The following PTPN13 variants were observed in gnomAD, a reference collection of about 807,000 sequenced individuals.
The protein encoded by PTPN13 is tyrosine-protein phosphatase non-receptor type 13.
PTPN13 carries 191 observed loss-of-function variants against 284.0 expected under a neutral mutation model. The ratio of observed to expected loss-of-function variants is 0.67; its 90% CI spans 0.60 to 0.76. The LOEUF (loss-of-function observed/expected upper bound fraction) is 0.76. PTPN13 is among the 30% of genes least tolerant of loss of function. The pLI, the probability that PTPN13 is intolerant of heterozygous loss-of-function variation, is 0.00. For missense variants in PTPN13, 2,797 were observed against 2,939.9 expected, an observed-to-expected ratio of 0.95 and a Z score of 1.12; for synonymous variants, 986 against 1,022.3, an observed-to-expected ratio of 0.96 and a Z score of 0.68.
intron 2 of PTPN13, among the ~76,000 whole-genome samples, chr4:86,648,213 T>A (rs889689890): frequency 2.0e-5 from 3 of 152,178 alleles, no homozygotes; most frequent in African/African-American, 7.2e-5. Context: ...CATTTATCAT[T>A]TCTTTGTGTT....
intron 15 of PTPN13, among the ~76,000 whole-genome samples, chr4:86,739,935 A>T (rs1001159724): frequency 6.6e-6 from 1 of 152,222 alleles, no homozygotes; most frequent in African/African-American, 2.4e-5. Flanking sequence ...TTAAAGCTGC[A>T]AAATGATCTC....
At chr4:86,750,396 A>G (rs1399536597) in intron 17 of PTPN13, 74 bp from the exon 18 acceptor site, 1 of 1,330,284 alleles carries the variant, frequency 7.5e-7, no homozygotes, top group East Asian at 2.3e-5. Flanking sequence ...CATGCTGCTT[A>G]TTTATTAACA....
chr4:86,677,468 C>A (rs1728417600), intron 3 of PTPN13, among the ~76,000 whole-genome samples: 1 of 151,518 alleles, frequency 6.6e-6, no homozygotes, highest in Non-Finnish European at 1.5e-5. Flanking sequence ...GCGCATGCCA[C>A]CACACCCAGC....
chr4:86,617,718 A>G (rs1720725844), intron 1 of PTPN13, among the ~76,000 whole-genome samples: 2 of 152,182 alleles, frequency 1.3e-5, no homozygotes, highest in Admixed American at 6.5e-5. Flanking sequence ...TTTTGGCTGC[A>G]TACATGTCTT....
intron 15 of PTPN13, among the ~76,000 whole-genome samples, chr4:86,741,172 C>T (rs2149167579): frequency 6.6e-6 from 1 of 152,302 alleles, no homozygotes; most frequent in Admixed American, 6.5e-5. Flanking sequence ...GTCACTTCCA[C>T]ATCTTCAGGT....
chr4:86,795,672 A>G (rs1366828049), intron 40 of PTPN13, among the ~76,000 whole-genome samples: 1 of 152,222 alleles, frequency 6.6e-6, no homozygotes, highest in Non-Finnish European at 1.5e-5. Flanking sequence ...GAATAAAGAA[A>G]ATGTGGCACA....
chr4:86,740,113 C>T (rs1487955022), intron 15 of PTPN13, among the ~76,000 whole-genome samples: 3 of 152,130 alleles, frequency 2.0e-5, no homozygotes, highest in South Asian at 2.1e-4. Context: ...TGCAAGCTGT[C>T]GTTGGATCTA....
chr4:86,723,823 G>A (rs1412644536), intron 10 of PTPN13, among the ~76,000 whole-genome samples: 6 of 152,112 alleles, frequency 3.9e-5, no homozygotes, highest in African/African-American at 1.4e-4. Context: ...ATAAATAATA[G>A]TAAACCTGGT....
chr4:86,762,260 C>T (rs918617797), intron 23 of PTPN13, among the ~76,000 whole-genome samples: 3 of 152,200 alleles, frequency 2.0e-5, no homozygotes, highest in Non-Finnish European at 2.9e-5. Flanking sequence ...GGATTACAGG[C>T]ATGAGCCACT....
At chr4:86,727,767 C>G (rs1305835398) in intron 10 of PTPN13, among the ~76,000 whole-genome samples, 2 of 149,278 alleles carry the variant, frequency 1.3e-5, no homozygotes, top group East Asian at 3.9e-4. Flanking sequence ...AAAACCAGCT[C>G]CTAAATTCAT....
chr4:86,651,050 G>A (rs902467640), intron 2 of PTPN13, among the ~76,000 whole-genome samples: 1 of 152,126 alleles, frequency 6.6e-6, no homozygotes. Context: ...CTAGCTGTGA[G>A]TTTGTCATAT....
intron 5 of PTPN13, among the ~76,000 whole-genome samples, chr4:86,692,638 G>A (rs1319181836): frequency 2.6e-5 from 4 of 152,098 alleles, no homozygotes; most frequent in Non-Finnish European, 5.9e-5. Flanking sequence ...CCCTTATAGT[G>A]TGGAGTTTGA....
intron 1 of PTPN13, among the ~76,000 whole-genome samples, chr4:86,622,079 T>C (rs1489339170): frequency 6.6e-6 from 1 of 152,200 alleles, no homozygotes; most frequent in Non-Finnish European, 1.5e-5. Flanking sequence ...CTCCAAAAGG[T>C]CATTTGAGTT....
chr4:86,768,148 C>T (rs771697643), intron 28 of PTPN13, among the ~76,000 whole-genome samples, 172 bp downstream of exon 28: 7 of 152,118 alleles, frequency 4.6e-5, no homozygotes, highest in Non-Finnish European at 8.8e-5. Context: ...AACATATTTG[C>T]AGCTCATAGG....
At chr4:86,642,099 T>C (rs898297750) in intron 2 of PTPN13, among the ~76,000 whole-genome samples, 3 of 152,142 alleles carry the variant, frequency 2.0e-5, no homozygotes, top group Non-Finnish European at 4.4e-5. Flanking sequence ...ATAAAGTAAG[T>C]TTTTTTCTTT....
intron 3 of PTPN13, among the ~76,000 whole-genome samples, chr4:86,680,918 A>AATT (rs758863655): frequency 3.9e-5 from 6 of 152,130 alleles, no homozygotes; most frequent in Non-Finnish European, 7.3e-5. Context: ...GAGGACTTAT[A>AATT]ATATGTCCAA....
intron 6 of PTPN13, among the ~76,000 whole-genome samples, chr4:86,695,575 A>G (rs1427551597): frequency 6.6e-6 from 1 of 152,020 alleles, no homozygotes; most frequent in Non-Finnish European, 1.5e-5. Flanking sequence ...CATAGTGAAC[A>G]TTTTAATAAG....
chr4:86,784,499 C>A lies in PTPN13; in HGVS notation c.6059C>A (p.Pro2020His). The part of the protein sequence containing the change: ...AGEEINEISY[P>H]KGKCSTYQIK... Reference sequence around the variant, plus strand: ...GAAGAAATAAATGAAATATCGTACCCCAAAGGAAAATGTTCTACTTATCAG... The same window carrying A: ...GAAGAAATAAATGAAATATCGTACCACAAAGGAAAATGTTCTACTTATCAG... Residue 2020 changes from proline to histidine, a missense_variant, in exon 38 of 48, where the codon CCC (proline) becomes CAC (histidine). By Grantham distance (77) the Pro-to-His change is moderately conservative. Transcript: ENST00000411767. 1 of 1,606,258 alleles carries A rather than the reference C, an allele frequency of 6.2e-7. No individual in the cohort carries two copies. Among genetic ancestry groups the A allele is most frequent in the Non-Finnish European group, 8.5e-7 (1 of 1,177,430 alleles).
chr4:86,688,997 A>G lies in PTPN13; in HGVS notation c.361-8A>G, dbSNP rs1282994097. The G allele has an allele frequency of 2.6e-6, 4 of 1,538,342 alleles. No individual in the cohort carries two copies. Among genetic ancestry groups the G allele is most frequent in the East Asian group, 2.2e-5 (1 of 44,478 alleles). ...TTACTCACTGGCTTTTCCTTTATTTATATTCAGCCTATTAAGCTTGGAGAT... is the reference window on the plus strand; with the variant it reads ...TTACTCACTGGCTTTTCCTTTATTTGTATTCAGCCTATTAAGCTTGGAGAT... On this transcript the variant is annotated splice_polypyrimidine_tract_variant and splice_region_variant and intron_variant, in intron 4 of 47. Coordinates refer to ENST00000411767, the MANE Select transcript of PTPN13 (RefSeq NM_080683.3).
Sources: allele counts gnomAD v4.1 joint callset (sites outside exome capture counted in the v4.1 genomes callset), GRCh38; gene constraint gnomAD v4.1.1; transcripts MANE v1.5; gene names NCBI Gene and HGNC (gene_info 2026-07-23, HGNC 2026-07-21).